CYP1B1: variants seen among roughly 807,000 people sequenced by gnomAD.
The protein encoded by CYP1B1 is cytochrome P450 family 1 subfamily B member 1.
In CYP1B1, 22 loss-of-function variants were observed where a neutral mutation model predicts 29.9. That is an observed-to-expected ratio of 0.74 (90% confidence interval 0.53 to 1.05). CYP1B1 has a LOEUF of 1.05. CYP1B1 is among the 50% of genes least tolerant of loss of function. The pLI, the probability that CYP1B1 is intolerant of heterozygous loss-of-function variation, is 0.00. For missense variants in CYP1B1, 883 were observed against 746.9 expected (o/e 1.18, Z -2.12); for synonymous variants, 375 against 320.0 (o/e 1.17, Z -1.83).
chr2:38,067,792 G>T lies in CYP1B1; in HGVS notation c.*2930C>A, dbSNP rs1573268814. ...ACACACTAAAAGCATTCATGATAAA[G>T]TACAAAAATAAGAAAAGATTAAATA... On this transcript the variant is annotated 3_prime_UTR_variant, in exon 3 of 3. Transcript: ENST00000610745. The T allele has an allele frequency of 5.4e-6, 1 of 184,148 alleles. No homozygotes were observed. Among genetic ancestry groups the T allele is most frequent in the East Asian group, 8.9e-5 (1 of 11,298 alleles). 11.4% of individuals were successfully genotyped at this position (184,148 alleles called of 1,614,324 possible).
chr2:38,074,209 G>C lies in CYP1B1; in HGVS notation c.1043+137C>G. On this transcript the variant is annotated intron_variant, in intron 2 of 2. Transcript: ENST00000610745. The stretch of plus-strand genomic sequence containing the variant: ...TCACTGTGAGTCCCTTTACCGACGC[G>C]ATCTTGGTTTTGAGGGGTGGGGACC... 4 of 972,906 alleles carry C rather than the reference G, an allele frequency of 4.1e-6. No homozygotes were observed. In the South Asian group the frequency reaches 5.9e-5, roughly 14 times the overall value. The allele number at this position is 972,906 out of a possible 1,614,324, so 60.3% of individuals were successfully genotyped here. A position where few individuals can be genotyped will look rare whatever the true frequency, so the allele number is the denominator to read the frequency against.
intron 2 of CYP1B1, 163 bp downstream of exon 2, chr2:38,074,183 C>T (rs1558603152): frequency 2.6e-6 from 2 of 776,508 alleles, no homozygotes; most frequent in African/African-American, 1.7e-5. Context: ...TGTCGCAGCC[C>T]TCACTGTGAG....
In CYP1B1 at chr2:38,067,756, A is replaced by G. The variant is rs1682337954; in HGVS notation, c.*2966T>C. 1 of 183,064 alleles carries G rather than the reference A, an allele frequency of 5.5e-6. No homozygotes were observed. The highest frequency in any genetic ancestry group is 2.3e-5 in the African/African-American group (1 of 42,558). 11.3% of individuals were successfully genotyped at this position (183,064 alleles called of 1,614,324 possible). On this transcript the variant is annotated 3_prime_UTR_variant, in exon 3 of 3. Coordinates refer to ENST00000610745, the MANE Select transcript of CYP1B1 (RefSeq NM_000104.4). ...TACTTTGTCTACAACTATGCACTGT[A>G]GCTATTATGCACACACTAAAAGCAT...
In CYP1B1 at chr2:38,074,789, G is replaced by C; in HGVS notation, c.600C>G (p.Ala200=). The C allele has an allele frequency of 6.3e-7, 1 of 1,587,600 alleles. No homozygotes were observed. The highest frequency in any genetic ancestry group is 2.3e-5 in the East Asian group (1 of 43,470). Residue 200 remains alanine, a synonymous_variant, in exon 2 of 3, where the codon GCC becomes GCG. Transcript: ENST00000610745. Reference sequence around the variant, plus strand: ...ACACGGCACTCATGACGTTGGCCACGGCCACGACGGTCAGCGGCCTCGGGT... The same window carrying C: ...ACACGGCACTCATGACGTTGGCCACCGCCACGACGGTCAGCGGCCTCGGGT... The part of the protein sequence containing the change: ...FLDPRPLTVV[A]VANVMSAVCF...
At chr2:38,074,322 G>C (rs1390909543) in intron 2 of CYP1B1, 24 bp downstream of exon 2, 45 of 1,610,740 alleles carry the variant, frequency 2.8e-5, no homozygotes, top group Non-Finnish European at 3.8e-5. Context: ...AAAAGACCTG[G>C]CCCACGCCTC....
Position 38,068,933 on chromosome 2 carries a change from T to G in CYP1B1, c.*1789A>C. ...ACCATCCCCCCACCCCACACACACATACACACAACTATCAAAAACTCCCTT... is the reference window on the plus strand; with the variant it reads ...ACCATCCCCCCACCCCACACACACAGACACACAACTATCAAAAACTCCCTT... On this transcript the variant is annotated 3_prime_UTR_variant, in exon 3 of 3. Transcript: ENST00000610745. 9.5e-6 allele frequency: 2 copies of G among 209,782 alleles called. No individual in the cohort carries two copies. The highest frequency in any genetic ancestry group is 1.2e-4 in the Admixed American group (2 of 16,966). The allele number at this position is 209,782 out of a possible 1,614,324, so 13.0% of individuals were successfully genotyped here.
intron 2 of CYP1B1, among the ~76,000 whole-genome samples, chr2:38,071,675 C>T (rs772639743): frequency 6.6e-6 from 1 of 152,066 alleles, no homozygotes; most frequent in Non-Finnish European, 1.5e-5. Flanking sequence ...TTTTTAGGGG[C>T]CCATGAAAAT....
chr2:38,070,951 C>A lies in CYP1B1; in HGVS notation c.1403G>T (p.Arg468Met). Residue 468 changes from arginine (R) to methionine (M), a missense_variant, in exon 3 of 3, where the codon AGG becomes ATG. By Grantham distance (91) the Arg-to-Met change is moderately conservative. Coordinates refer to ENST00000610745, the MANE Select transcript of CYP1B1 (RefSeq NM_000104.4). ...AGAAAGTTCTTCGCCAATGCACCGC[C>A]TTTTGCCCACTGAAAAAATCATCAC... ...SRVMIFSVGK[R>M]RCIGEELSKM... 6.2e-7 allele frequency: 1 copy of A among 1,614,204 alleles called. No homozygotes were observed. The highest frequency in any genetic ancestry group is 8.5e-7 in the Non-Finnish European group (1 of 1,180,038).
chr2:38,074,917 G>A lies in CYP1B1; in HGVS notation c.472C>T (p.Arg158Cys). ...AGGACTTGGCGGCTGCGCGGCTGGC[G>A]CGTGAAGAAGTTGCGCATCATGCTG... ...AHSMMRNFFT[R>C]QPRSRQVLEG... The change falls in exon 2 of 3, where the codon CGC (arginine) becomes TGC (cysteine). Residue 158 changes from arginine (R) to cysteine (C), a missense_variant. Transcript: ENST00000610745. 2 of 1,557,040 alleles carry A rather than the reference G, an allele frequency of 1.3e-6. No individual in the cohort carries two copies. The highest frequency in any genetic ancestry group is 1.7e-6 in the Non-Finnish European group (2 of 1,156,852).
chr2:38,074,628 A>C lies in CYP1B1; in HGVS notation c.761T>G (p.Val254Gly). Residue 254 changes from valine to glycine, a missense_variant, in exon 2 of 3, where the codon GTG (valine) becomes GGG (glycine). Physicochemically the swap from Val to Gly is moderately radical, Grantham distance 109 (BLOSUM62 -3). Coordinates refer to ENST00000610745, the MANE Select transcript of CYP1B1 (RefSeq NM_000104.4). ...CTCGAATTCGCGGAAAACGGTGCGC[A>C]CCGGGTTGGGGAAGTACTGCAGCCA... ...MPWLQYFPNPVRTVFREFEQL... is the reference protein window; with the variant it reads ...MPWLQYFPNPGRTVFREFEQL... The C allele has an allele frequency of 1.9e-6, 3 of 1,613,514 alleles. No homozygotes were observed. The highest frequency in any genetic ancestry group is 2.5e-6 in the Non-Finnish European group (3 of 1,179,996).
intron 1 of CYP1B1, 194 bp from the exon 2 acceptor site, chr2:38,075,583 T>C: frequency 1.6e-6 from 1 of 624,610 alleles, no homozygotes; most frequent in Non-Finnish European, 2.8e-6. Context: ...AGGGGCGTGT[T>C]TCCACCTCGC....
rs1391714053 is a variant in CYP1B1 at position 38,070,289 on chromosome 2, G to C, written c.*433C>G. On this transcript the variant is annotated 3_prime_UTR_variant, in exon 3 of 3. Transcript: ENST00000610745. ...CTTCAACAATATACTCTGAAACTTTGTTTAATATACTTTTTGTCTATTTCT... is the reference window on the plus strand; with the variant it reads ...CTTCAACAATATACTCTGAAACTTTCTTTAATATACTTTTTGTCTATTTCT... 1 of 264,216 alleles carries C rather than the reference G, an allele frequency of 3.8e-6. No individual in the cohort carries two copies. Among genetic ancestry groups the C allele is most frequent in the African/African-American group, 2.2e-5 (1 of 45,856 alleles). 16.4% of individuals were successfully genotyped at this position (264,216 alleles called of 1,614,324 possible). A position where few individuals can be genotyped will look rare whatever the true frequency, so the allele number is the denominator to read the frequency against.
chr2:38,075,684 C>T (rs1682525769), intron 1 of CYP1B1, 96 bp downstream of exon 1: 1 of 523,364 alleles, frequency 1.9e-6, no homozygotes, highest in Non-Finnish European at 3.5e-6. Flanking sequence ...GAGGCGGTGG[C>T]GCTTGATTTC....
rs1389588817 is a variant in CYP1B1, at chr2:38,071,312, T to C, written c.1044-2A>G. On this transcript the variant is annotated splice_acceptor_variant, in intron 2 of 2. Coordinates refer to ENST00000610745, the MANE Select transcript of CYP1B1 (RefSeq NM_000104.4). LOFTEE classifies it high-confidence loss of function. ...ACTCGAGTCTGCACATCAGGATACCTGTTTGGTGTTTAATGTGGAGAGAGA... is the reference window on the plus strand; with the variant it reads ...ACTCGAGTCTGCACATCAGGATACCCGTTTGGTGTTTAATGTGGAGAGAGA... 3 of 1,612,738 alleles carry C rather than the reference T, an allele frequency of 1.9e-6. No homozygotes were observed. The highest frequency in any genetic ancestry group is 1.7e-6 in the Non-Finnish European group (2 of 1,179,808).
rs759550272 is a variant in CYP1B1, at chr2:38,075,262, G to T, written c.127C>A (p.Arg43=). The T allele has an allele frequency of 6.2e-7, 1 of 1,602,894 alleles. No homozygotes were observed. The highest frequency in any genetic ancestry group is 2.2e-5 in the East Asian group (1 of 44,616). The change falls in exon 2 of 3, where the codon CGG becomes AGG. Residue 43 remains arginine (R), a synonymous_variant. Coordinates refer to ENST00000610745, the MANE Select transcript of CYP1B1 (RefSeq NM_000104.4). ...VHVGQRLLRQ[R]RRQLRSAPPG... is the part of the protein sequence containing the mutation. ...GGCGCGGACCGGAGCTGCCGCCTCC[G>T]TTGCCTCAGCAGCCGCTGGCCCACA... is the stretch of plus-strand genomic sequence containing the variant.
In CYP1B1 at chr2:38,070,920, C is replaced by T. The variant is rs373115785; in HGVS notation, c.1434G>A (p.Met478Ile). The change falls in exon 3 of 3, where the codon ATG (methionine) becomes ATA (isoleucine). Residue 478 changes from methionine to isoleucine, a missense_variant. Coordinates refer to ENST00000610745, the MANE Select transcript of CYP1B1 (RefSeq NM_000104.4). ...GGATGGAGATGAAGAGAAAAAGCTG[C>T]ATCTTAGAAAGTTCTTCGCCAATGC... The part of the protein sequence containing the change: ...RRCIGEELSK[M>I]QLFLFISILA... The T allele has an allele frequency of 2.5e-5, 40 of 1,614,082 alleles. No homozygotes were observed. Among genetic ancestry groups the T allele is most frequent in the Non-Finnish European group, 3.4e-5 (40 of 1,180,056 alleles).
At position 38,069,984 on chromosome 2, in the gene CYP1B1, G is replaced by A. The variant is rs1303899460; in HGVS notation, c.*738C>T. The A allele has an allele frequency of 5.0e-6, 1 of 201,594 alleles. No homozygotes were observed. The highest frequency in any genetic ancestry group is 1.0e-5 in the Non-Finnish European group (1 of 98,320). 12.5% of individuals were successfully genotyped at this position (201,594 alleles called of 1,614,324 possible). ...GCAAAAGAGGTACAACATCACCTTG[G>A]AGTTTTACAATTTAATAATGCATAC... is the stretch of plus-strand genomic sequence containing the variant. On this transcript the variant is annotated 3_prime_UTR_variant, in exon 3 of 3. Coordinates refer to ENST00000610745, the MANE Select transcript of CYP1B1 (RefSeq NM_000104.4).
In CYP1B1 at chr2:38,069,655, C is replaced by T. The variant is rs940652373; in HGVS notation, c.*1067G>A. 1 of 201,612 alleles carries T rather than the reference C, an allele frequency of 5.0e-6. No individual in the cohort carries two copies. The highest frequency in any genetic ancestry group is 1.0e-5 in the Non-Finnish European group (1 of 98,142). The allele number at this position is 201,612 out of a possible 1,614,324, so 12.5% of individuals were successfully genotyped here. ...TGAGTGAAGAAAAGAAACCCTGCTT[C>T]ATTTCCATGTCAAAAATAGGTGGTT... On this transcript the variant is annotated 3_prime_UTR_variant, in exon 3 of 3. Coordinates refer to ENST00000610745, the MANE Select transcript of CYP1B1 (RefSeq NM_000104.4).
rs1224924180 is a variant in CYP1B1, at chr2:38,075,089, C to T, written c.300G>A (p.Glu100=). 8 of 1,580,578 alleles carry T rather than the reference C, an allele frequency of 5.1e-6. No homozygotes were observed. The highest frequency in any genetic ancestry group is 1.7e-4 in the Middle Eastern group (1 of 6,014). The change falls in exon 2 of 3, where the codon GAG becomes GAA. Residue 100 remains glutamate, a synonymous_variant. Coordinates refer to ENST00000610745, the MANE Select transcript of CYP1B1 (RefSeq NM_000104.4). ...GCACCAGGGCCTGGTGGATGGCGCG[C>T]TCGCCATTCAGCACCACTATGGGGC... ...GSCPIVVLNG[E]RAIHQALVQQ...
Sources: gnomAD v4.1 joint callset for allele counts (sites outside exome capture counted in the v4.1 genomes callset) on GRCh38, gnomAD v4.1.1 for gene constraint, MANE v1.5 for transcripts, NCBI Gene and HGNC (gene_info 2026-07-23, HGNC 2026-07-21) for gene names.